DOCK5: variants seen among roughly 807,000 people sequenced by gnomAD.
DOCK5 encodes the protein dedicator of cytokinesis protein 5.
A neutral mutation model predicts 251.8 loss-of-function variants in DOCK5; 142 were observed. That is an observed-to-expected ratio of 0.56 (90% CI 0.49 to 0.65). The LOEUF (loss-of-function observed/expected upper bound fraction) is 0.65, where lower values mean the gene tolerates loss of function less well. Ranked by LOEUF, DOCK5 falls within the 30% of genes least tolerant of loss-of-function variation. The pLI, the probability that DOCK5 is intolerant of heterozygous loss-of-function variation, is 0.00. For missense variants in DOCK5, 2,111 were observed against 2,312.3 expected (o/e 0.91, Z 1.79); for synonymous variants, 842 against 835.5 (o/e 1.01, Z -0.13).
intron 1 of DOCK5, among the ~76,000 whole-genome samples, chr8:25,201,365 T>C (rs1025462038): frequency 6.6e-6 from 1 of 152,256 alleles, no homozygotes; most frequent in Non-Finnish European, 1.5e-5. Context: ...AAACAAAGTA[T>C]TTCAATAGTG....
chr8:25,334,292 C>A, intron 21 of DOCK5, 96 bp downstream of exon 21: 1 of 975,750 alleles, frequency 1.0e-6, no homozygotes, highest in Non-Finnish European at 1.6e-6. Context: ...TATTACTATT[C>A]AGTAAATACG....
At chr8:25,324,075 C>T in intron 17 of DOCK5, 124 bp downstream of exon 17, 1 of 1,106,178 alleles carries the variant, frequency 9.0e-7, no homozygotes, top group Non-Finnish European at 1.3e-6. Flanking sequence ...TGCCCATTAA[C>T]ATCTAGAAAC....
At chr8:25,199,311 CT>C (rs35960469) in intron 1 of DOCK5, among the ~76,000 whole-genome samples, 91,585 of 151,028 alleles carry the variant, frequency 0.61, 31,245 homozygotes, top group Non-Finnish European at 0.76. Context: ...GTGATGTCAT[CT>C]TCTGAAGACT....
chr8:25,392,175 G>A (rs144137990), intron 43 of DOCK5, among the ~76,000 whole-genome samples, 195 bp downstream of exon 43: 1,637 of 152,130 alleles, frequency 0.011, 14 homozygotes, highest in Non-Finnish European at 0.014. Context: ...GTGGTGGCAC[G>A]CACCTGTAGT....
chr8:25,323,807 G>T, intron 16 of DOCK5, 41 bp from the exon 17 acceptor site: 1 of 1,593,948 alleles, frequency 6.3e-7, no homozygotes. Flanking sequence ...GCCTCCTGGT[G>T]TCTCTCTGCA....
intron 15 of DOCK5, 30 bp downstream of exon 15, chr8:25,319,706 A>G (rs968694518): frequency 6.7e-7 from 1 of 1,486,438 alleles, no homozygotes; most frequent in Non-Finnish European, 9.2e-7. Context: ...AACCCCTGTT[A>G]TCTGTTAAAC....
intron 3 of DOCK5, 33 bp downstream of exon 3, chr8:25,268,918 T>G (rs966971768): frequency 4.0e-6 from 6 of 1,517,898 alleles, no homozygotes; most frequent in Non-Finnish European, 5.3e-6. Context: ...TAATTTCATT[T>G]GAAATCTGTC....
Position 25,408,296 on chromosome 8 carries a change from C to T in DOCK5, c.5265+142C>T, listed in dbSNP as rs566023132. ...TCAGCAGCCTGGGTTAGTGTCAGGT[C>T]GCAGATTGTGGTAAGGAAAGCACAT... On this transcript the variant is annotated intron_variant, in intron 49 of 51. Coordinates refer to ENST00000276440, the MANE Select transcript of DOCK5 (RefSeq NM_024940.8). 6.7e-6 allele frequency: 6 copies of T among 898,466 alleles called. No homozygotes were observed. In the South Asian group the frequency reaches 9.4e-5, roughly 14 times the overall value. 55.7% of individuals were successfully genotyped at this position (898,466 alleles called of 1,614,324 possible). A position where few individuals can be genotyped will look rare whatever the true frequency, so the allele number is the denominator to read the frequency against.
At chr8:25,246,333 G>A (rs759323829) in intron 2 of DOCK5, among the ~76,000 whole-genome samples, 1 of 152,148 alleles carries the variant, frequency 6.6e-6, no homozygotes, top group African/African-American at 2.4e-5. Context: ...GAGTGCAGTG[G>A]CTCAATCTTG....
At position 25,184,754 on chromosome 8, in the gene DOCK5, G is replaced by GCGGCGCGGC. The variant is rs1296997271; in HGVS notation, c.-154_-146dup. On this transcript the variant is annotated 5_prime_UTR_variant, in exon 1 of 52. Transcript: ENST00000276440. ...GGCGCGGGCACGGGCACGGGCGCGG[G>GCGGCGCGGC]CGGCGCGGCGAGGAGGCGGCCCGCG... 3.3e-5 allele frequency: 19 copies of GCGGCGCGGC among 578,672 alleles called. No individual in the cohort carries two copies. In the East Asian group the frequency reaches 8.1e-4, roughly 25 times the overall value. 35.8% of individuals were successfully genotyped at this position (578,672 alleles called of 1,614,324 possible).
chr8:25,368,836 T>C, intron 33 of DOCK5, 111 bp downstream of exon 33: 1 of 1,150,672 alleles, frequency 8.7e-7, no homozygotes. Flanking sequence ...TCCATGTTGA[T>C]CTGAAAGTTC....
intron 25 of DOCK5, among the ~76,000 whole-genome samples, chr8:25,345,165 G>A (rs1800335358): frequency 6.6e-6 from 1 of 151,760 alleles, no homozygotes; most frequent in Admixed American, 6.6e-5. Context: ...TCAATTTCGT[G>A]CATTAGGTTG....
intron 1 of DOCK5, among the ~76,000 whole-genome samples, chr8:25,218,166 A>G (rs1442386500): frequency 6.6e-6 from 1 of 152,160 alleles, no homozygotes; most frequent in Non-Finnish European, 1.5e-5. Context: ...TTTGTTTTCA[A>G]GTGGGTTTCA....
rs1266983913 is a variant in DOCK5, at chr8:25,412,473, T to C, written c.*1175T>C. On this transcript the variant is annotated 3_prime_UTR_variant, in exon 52 of 52. Coordinates refer to ENST00000276440, the MANE Select transcript of DOCK5 (RefSeq NM_024940.8). ...GGAAATTGAGGCTACACACAGAAAATTGTGCTACAGATTATTACTAATAAC... is the reference window on the plus strand; with the variant it reads ...GGAAATTGAGGCTACACACAGAAAACTGTGCTACAGATTATTACTAATAAC... The C allele has an allele frequency of 6.6e-6, 1 of 152,096 alleles. No individual in the cohort carries two copies. The highest frequency in any genetic ancestry group is 1.5e-5 in the Non-Finnish European group (1 of 68,028). 9.4% of individuals were successfully genotyped at this position (152,096 alleles called of 1,614,324 possible). A position where few individuals can be genotyped will look rare whatever the true frequency, so the allele number is the denominator to read the frequency against.
chr8:25,302,215 T>G, intron 9 of DOCK5, 110 bp from the exon 10 acceptor site: 3 of 1,395,792 alleles, frequency 2.1e-6, no homozygotes, highest in Non-Finnish European at 1.9e-6. Flanking sequence ...ACTTCAGCAT[T>G]GAGAAATAAG....
chr8:25,376,126 C>T (rs1800959313), intron 37 of DOCK5: 1 of 949,106 alleles, frequency 1.1e-6, no homozygotes, highest in African/African-American at 1.8e-5. Flanking sequence ...AAAAAGCAAC[C>T]TACTGTATAT....
At chr8:25,222,326 G>A (rs959902711) in intron 1 of DOCK5, among the ~76,000 whole-genome samples, 1 of 152,112 alleles carries the variant, frequency 6.6e-6, no homozygotes, top group South Asian at 2.1e-4. Flanking sequence ...CTTATGAATT[G>A]TTTCCAAACC....
At chr8:25,189,308 T>G (rs1801517188) in intron 1 of DOCK5, among the ~76,000 whole-genome samples, 1 of 152,156 alleles carries the variant, frequency 6.6e-6, no homozygotes. Context: ...TCCTTCAGCC[T>G]TAAGCCTCCC....
At chr8:25,332,399 C>T in intron 19 of DOCK5, 51 bp downstream of exon 19, 1 of 1,417,790 alleles carries the variant, frequency 7.1e-7, no homozygotes, top group South Asian at 1.2e-5. Context: ...ATATATATAC[C>T]TATCTAATTA....
Sources: allele counts gnomAD v4.1 joint callset (sites outside exome capture counted in the v4.1 genomes callset), GRCh38; gene constraint gnomAD v4.1.1; transcripts MANE v1.5; gene names NCBI Gene and HGNC (gene_info 2026-07-23, HGNC 2026-07-21).